Variants in DCDC1 observed in about 807,000 individuals in gnomAD.
DCDC1 encodes doublecortin domain containing 1, also known as doublecortin domain-containing protein 1.
A neutral mutation model predicts 178.3 loss-of-function variants in DCDC1; 200 were observed. The ratio of observed to expected loss-of-function variants is 1.12; its 90% CI spans 1.00 to 1.26. The LOEUF (loss-of-function observed/expected upper bound fraction) is 1.26. DCDC1 is among the 50% of genes most tolerant of loss of function. The pLI is 0.00. For synonymous variants in DCDC1, 690 were observed against 604.8 expected (o/e 1.14, Z -2.07); for missense variants, 1,983 against 1,749.2 (o/e 1.13, Z -2.38).
chr11:31,180,806 GT>G (rs1184133993), intron 9 of DCDC1, among the ~76,000 whole-genome samples: 1 of 151,860 alleles, frequency 6.6e-6, no homozygotes, highest in Non-Finnish European at 1.5e-5. Context: ...AGCTGCAGGA[GT>G]TTTTTTGTTG....
chr11:30,867,471 C>T (rs1287305884), intron 38 of DCDC1, among the ~76,000 whole-genome samples: 6 of 152,150 alleles, frequency 3.9e-5, no homozygotes, highest in Admixed American at 1.3e-4. Flanking sequence ...TTATGGTGCC[C>T]GGTACAGGTA....
chr11:31,329,813 G>C (rs578122781), intron 2 of DCDC1, among the ~76,000 whole-genome samples: 3 of 152,278 alleles, frequency 2.0e-5, no homozygotes, highest in Admixed American at 2.0e-4. Context: ...TGGACATTTG[G>C]GTTGGTCCCA....
At chr11:31,357,044 TC>T (rs1951416868) in intron 1 of DCDC1, among the ~76,000 whole-genome samples, 1 of 151,318 alleles carries the variant, frequency 6.6e-6, no homozygotes. Context: ...CTGAAACTAT[TC>T]CAATCAATAG....
At chr11:31,359,561 G>A (rs1217583827) in intron 1 of DCDC1, among the ~76,000 whole-genome samples, 1 of 152,006 alleles carries the variant, frequency 6.6e-6, no homozygotes, top group Non-Finnish European at 1.5e-5. Context: ...TTGTGCACAT[G>A]TACCCTAAAA....
chr11:30,947,481 A>C (rs929945589), intron 21 of DCDC1, among the ~76,000 whole-genome samples: 1 of 152,200 alleles, frequency 6.6e-6, no homozygotes, highest in Non-Finnish European at 1.5e-5. Flanking sequence ...TTCTTCAATA[A>C]ATGGTGCTGG....
rs542349941 is a variant in DCDC1, at chr11:31,314,847, C to T, written c.165-6939G>A. On this transcript the variant is annotated intron_variant, in intron 3 of 38. Transcript: ENST00000684477. The stretch of plus-strand genomic sequence containing the variant: ...AAACTTAATCATGATGGTGATATCT[C>T]ATTATATTTACAGGTCCTAAAGATC... 4.6e-5 allele frequency among the ~76,000 whole-genome samples: 7 copies of T among 152,268 alleles called. No homozygotes were observed. The South Asian group carries it at 1.4e-3, about 32-fold the overall frequency.
At chr11:31,152,663 A>C (rs971666107) in intron 9 of DCDC1, among the ~76,000 whole-genome samples, 15 of 152,188 alleles carry the variant, frequency 9.9e-5, no homozygotes, top group Non-Finnish European at 2.1e-4. Context: ...ATTTGTTGAA[A>C]TTATTTACTG....
At chr11:31,059,042 G>A (rs145292407) in intron 20 of DCDC1, among the ~76,000 whole-genome samples, 11 of 152,080 alleles carry the variant, frequency 7.2e-5, no homozygotes, top group Non-Finnish European at 1.0e-4. Flanking sequence ...GAATACAACA[G>A]AAAAATAAAT....
In DCDC1 at chr11:31,030,871, A is replaced by C. The variant is rs540666035; in HGVS notation, c.2591+33598T>G. Reference sequence around the variant, plus strand: ...ATTTCCCAGGGCAAGAAAAAAAAAAACCACTAATCTAGAAATTCCCCCCTC... The same window carrying C: ...ATTTCCCAGGGCAAGAAAAAAAAAACCCACTAATCTAGAAATTCCCCCCTC... On this transcript the variant is annotated intron_variant, in intron 20 of 38. Coordinates refer to ENST00000684477, the MANE Select transcript of DCDC1 (RefSeq NM_001387274.1). 7.3e-5 allele frequency among the ~76,000 whole-genome samples: 11 copies of C among 149,720 alleles called. No individual in the cohort carries two copies. In the South Asian group the frequency reaches 1.1e-3, roughly 14 times the overall value.
chr11:30,892,827 A>G lies in DCDC1; in HGVS notation c.5073T>C (p.Thr1691=). The change falls in exon 36 of 39, where the codon ACT becomes ACC. Residue 1691 remains threonine (T), a synonymous_variant. Transcript: ENST00000684477. ...PEDGTYAWGK[T]ISELLQDCSS... The stretch of plus-strand genomic sequence containing the variant: ...TTCACACTAGATTTACCTCTGAAAT[A>G]GTTTTGCCCCAGGCATAAGTGCCAT... 1 of 1,613,892 alleles carries G rather than the reference A, an allele frequency of 6.2e-7. No individual in the cohort carries two copies. Among genetic ancestry groups the G allele is most frequent in the Middle Eastern group, 1.6e-4 (1 of 6,062 alleles).
chr11:31,351,983 C>A (rs1951099194), intron 1 of DCDC1, among the ~76,000 whole-genome samples: 1 of 152,154 alleles, frequency 6.6e-6, no homozygotes, highest in Non-Finnish European at 1.5e-5. Flanking sequence ...AGCTTGAAAT[C>A]TACTGAAAGG....
At chr11:31,072,527 T>C (rs1402642263) in intron 18 of DCDC1, among the ~76,000 whole-genome samples, 1 of 152,040 alleles carries the variant, frequency 6.6e-6, no homozygotes, top group African/African-American at 2.4e-5. Flanking sequence ...GATGTACTTA[T>C]GAAGATGTCT....
chr11:31,357,386 T>A (rs7483602), intron 1 of DCDC1, among the ~76,000 whole-genome samples: 35,509 of 119,254 alleles, frequency 0.3, 5,786 homozygotes, highest in African/African-American at 0.37. Context: ...AAAATTCAAC[T>A]ACGCTTCATG....
At chr11:31,293,253 A>G (rs1035639785) in intron 6 of DCDC1, among the ~76,000 whole-genome samples, 114 of 152,178 alleles carry the variant, frequency 7.5e-4, no homozygotes, top group African/African-American at 2.6e-3. Flanking sequence ...GAATCTACTC[A>G]GAGTATTTGA....
chr11:31,185,883 A>G (rs1247705430), intron 9 of DCDC1, among the ~76,000 whole-genome samples: 1 of 152,266 alleles, frequency 6.6e-6, no homozygotes, highest in Non-Finnish European at 1.5e-5. Flanking sequence ...AGGGACAACC[A>G]TCAGCATCAC....
At chr11:31,091,823 G>A (rs1957838892) in intron 16 of DCDC1, among the ~76,000 whole-genome samples, 1 of 152,010 alleles carries the variant, frequency 6.6e-6, no homozygotes, top group Non-Finnish European at 1.5e-5. Flanking sequence ...GTCACTTGCT[G>A]TAGTTATAAC....
chr11:31,040,315 C>T lies in DCDC1; in HGVS notation c.2591+24154G>A, dbSNP rs184977382. The stretch of plus-strand genomic sequence containing the variant: ...TTTGTGTTTTTGCACAATATTTGCA[C>T]AATGGATCTCAGACTTTCCTATGCA... On this transcript the variant is annotated intron_variant, in intron 20 of 38. Coordinates refer to ENST00000684477, the MANE Select transcript of DCDC1 (RefSeq NM_001387274.1). Among the ~76,000 whole-genome samples, 388 of 152,298 alleles carry T rather than the reference C, an allele frequency of 2.5e-3. 3 individuals are homozygous for T. Among genetic ancestry groups the T allele is most frequent in the African/African-American group, 8.4e-3 (349 of 41,570 alleles).
rs113194619 is a variant in DCDC1 at position 30,923,030 on chromosome 11, G to C, written c.2998-392C>G. The stretch of plus-strand genomic sequence containing the variant: ...GAAAGAAGGGAGCAAGGGAGGGAGG[G>C]AGGGAGAGACGGAGGAAGGTAGGAA... On this transcript the variant is annotated intron_variant, in intron 23 of 38. Coordinates refer to ENST00000684477, the MANE Select transcript of DCDC1 (RefSeq NM_001387274.1). Among the ~76,000 whole-genome samples the C allele has an allele frequency of 6.4e-3, 928 of 144,280 alleles. 13 individuals carry two copies. Among genetic ancestry groups the C allele is most frequent in the African/African-American group, 0.022 (884 of 40,210 alleles). The allele number at this position is 144,280 out of a possible 152,430, so 94.7% of individuals were successfully genotyped here. A position where few individuals can be genotyped will look rare whatever the true frequency, so the allele number is the denominator to read the frequency against.
At chr11:31,340,050 T>A (rs1950464833) in intron 1 of DCDC1, among the ~76,000 whole-genome samples, 1 of 152,180 alleles carries the variant, frequency 6.6e-6, no homozygotes, top group South Asian at 2.1e-4. Context: ...GTTTTACTCT[T>A]CAAGGAAGAA....
Sources: allele counts gnomAD v4.1 joint callset (sites outside exome capture counted in the v4.1 genomes callset), GRCh38; gene constraint gnomAD v4.1.1; transcripts MANE v1.5; gene names NCBI Gene and HGNC (gene_info 2026-07-23, HGNC 2026-07-21).